Variants in CAMK2D observed in about 807,000 individuals in gnomAD.
The protein encoded by CAMK2D is calcium/calmodulin-dependent protein kinase type II subunit delta.
A neutral mutation model predicts 84.0 loss-of-function variants in CAMK2D; 37 were observed. That is an observed-to-expected ratio of 0.44 (90% confidence interval 0.34 to 0.58). CAMK2D has a LOEUF of 0.58. CAMK2D is among the 20% of genes least tolerant of loss of function. CAMK2D has a pLI of 0.02. For missense variants in CAMK2D, 448 were observed against 652.5 expected, an observed-to-expected ratio of 0.69 and a Z score of 3.41; for synonymous variants, 202 against 212.5, an observed-to-expected ratio of 0.95 and a Z score of 0.43.
intron 4 of CAMK2D, among the ~76,000 whole-genome samples, chr4:113,594,385 C>G (rs545530410): frequency 6.6e-6 from 1 of 152,200 alleles, no homozygotes; most frequent in East Asian, 1.9e-4. Context: ...ACAAGGCATA[C>G]TAAAGGGCAA....
At chr4:113,496,103 G>C (rs759634581) in intron 16 of CAMK2D, among the ~76,000 whole-genome samples, 1 of 152,166 alleles carries the variant, frequency 6.6e-6, no homozygotes, top group Admixed American at 6.5e-5. Context: ...ACCAAAGGAC[G>C]GTCTTCACAT....
chr4:113,457,410 C>T lies in CAMK2D; in HGVS notation c.1460G>A (p.Arg487His), dbSNP rs1331106251. 20 of 1,613,854 alleles carry T rather than the reference C, an allele frequency of 1.2e-5. No individual in the cohort carries two copies. Among genetic ancestry groups the T allele is most frequent in the Non-Finnish European group, 1.7e-5 (20 of 1,179,806 alleles). ...CTTTCCATCCCGGCGGTGCCACACA[C>T]GAGTCTCTTCTGACTGCATTGTCTT... ...MPKTMQSEETRVWHRRDGKWQ... is the reference protein window; with the variant it reads ...MPKTMQSEETHVWHRRDGKWQ... The change falls in exon 19 of 21, where the codon CGT becomes CAT. Residue 487 changes from arginine to histidine, a missense_variant. Transcript: ENST00000511664.
intron 4 of CAMK2D, among the ~76,000 whole-genome samples, chr4:113,560,093 G>A (rs1367965016): frequency 6.6e-6 from 1 of 152,170 alleles, no homozygotes; most frequent in Non-Finnish European, 1.5e-5. Flanking sequence ...GTTGATCCCT[G>A]TGAGTGTGTA....
chr4:113,585,333 A>AT (rs892357544), intron 4 of CAMK2D, among the ~76,000 whole-genome samples: 5 of 152,036 alleles, frequency 3.3e-5, no homozygotes, highest in Admixed American at 6.6e-5. Context: ...CTCTAAAGTG[A>AT]TTTTTTTCCC....
At chr4:113,562,401 T>G (rs1355684397) in intron 4 of CAMK2D, among the ~76,000 whole-genome samples, 2 of 152,238 alleles carry the variant, frequency 1.3e-5, no homozygotes, top group Admixed American at 1.3e-4. Context: ...GAGGTAAGTC[T>G]AGATCATTCA....
At chr4:113,517,043 T>C (rs1488164062) in intron 9 of CAMK2D, among the ~76,000 whole-genome samples, 2 of 151,836 alleles carry the variant, frequency 1.3e-5, no homozygotes, top group African/African-American at 4.8e-5. Flanking sequence ...ATTAGAATTA[T>C]GATTTTCAAA....
Position 113,552,028 on chromosome 4 carries a change from T to C in CAMK2D, c.341+3A>G. On this transcript the variant is annotated splice_donor_region_variant and intron_variant, in intron 5 of 20. Transcript: ENST00000511664. ...TGTATCTTGCCCAGGGCAAGTCACT[T>C]ACCTGGCATCAGCTTCACTGTAGTA... The C allele has an allele frequency of 6.6e-7, 1 of 1,521,322 alleles. No homozygotes were observed. The highest frequency in any genetic ancestry group is 9.1e-7 in the Non-Finnish European group (1 of 1,104,200). The allele number at this position is 1,521,322 out of a possible 1,614,324, so 94.2% of individuals were successfully genotyped here.
chr4:113,519,593 C>T (rs1474804734), intron 8 of CAMK2D, among the ~76,000 whole-genome samples: 3 of 150,788 alleles, frequency 2.0e-5, no homozygotes, highest in African/African-American at 7.4e-5. Flanking sequence ...AAATAAACAC[C>T]GTTTTGTAAG....
At chr4:113,465,847 A>T (rs1241331769) in intron 16 of CAMK2D, among the ~76,000 whole-genome samples, 1 of 151,430 alleles carries the variant, frequency 6.6e-6, no homozygotes, top group Non-Finnish European at 1.5e-5. Flanking sequence ...TTTTAACATG[A>T]CTCTCAGGTG....
chr4:113,597,114 G>A (rs2098930845), intron 4 of CAMK2D, among the ~76,000 whole-genome samples: 1 of 152,104 alleles, frequency 6.6e-6, no homozygotes, highest in South Asian at 2.1e-4. Flanking sequence ...CACCGCGCCT[G>A]GCCGGGTCCT....
At chr4:113,507,219 T>A (rs994324996) in intron 13 of CAMK2D, among the ~76,000 whole-genome samples, 2 of 151,686 alleles carry the variant, frequency 1.3e-5, no homozygotes, top group African/African-American at 2.4e-5. Context: ...TTTCAAAGAG[T>A]CAAATATAAG....
chr4:113,573,790 G>A (rs571746987), intron 4 of CAMK2D, among the ~76,000 whole-genome samples: 2 of 152,082 alleles, frequency 1.3e-5, no homozygotes, highest in African/African-American at 4.8e-5. Flanking sequence ...CTTCATTTCC[G>A]ATCTTAGTTT....
chr4:113,619,398 A>T (rs1213788620), intron 3 of CAMK2D, among the ~76,000 whole-genome samples: 2 of 152,122 alleles, frequency 1.3e-5, no homozygotes, highest in Non-Finnish European at 2.9e-5. Context: ...TATTGTCCTT[A>T]GGTTCAGAAT....
intron 2 of CAMK2D, among the ~76,000 whole-genome samples, chr4:113,756,462 T>G (rs956979338): frequency 7.2e-5 from 11 of 152,122 alleles, no homozygotes; most frequent in Middle Eastern, 3.4e-3. Flanking sequence ...AGCTTCCATA[T>G]GCAACTCTCA....
At chr4:113,457,236 G>C (rs748684875) in intron 19 of CAMK2D, 99 bp downstream of exon 19, 11 of 1,497,286 alleles carry the variant, frequency 7.3e-6, no homozygotes, top group Admixed American at 4.6e-5. Flanking sequence ...CCAACTACTA[G>C]CGTTAAATAA....
chr4:113,572,746 C>T lies in CAMK2D; in HGVS notation c.276-20650G>A, dbSNP rs535364500. Among the ~76,000 whole-genome samples the T allele has an allele frequency of 2.5e-3, 378 of 152,168 alleles. 5 individuals carry two copies. Among genetic ancestry groups the T allele is most frequent in the Middle Eastern group, 6.8e-3 (2 of 294 alleles). ...TGGTGTTTTCTCAAAGAGCTAAAAG[C>T]AGAACTACCATTCGACCCAGCAAAA... On this transcript the variant is annotated intron_variant, in intron 4 of 20. Transcript: ENST00000511664.
chr4:113,708,743 T>C (rs1485673686), intron 2 of CAMK2D, among the ~76,000 whole-genome samples: 2 of 152,198 alleles, frequency 1.3e-5, no homozygotes, highest in African/African-American at 2.4e-5. Context: ...TTGTTGTTTT[T>C]TGAGACAGTC....
chr4:113,613,937 A>G (rs1490211118), intron 3 of CAMK2D, among the ~76,000 whole-genome samples: 3 of 152,058 alleles, frequency 2.0e-5, no homozygotes, highest in African/African-American at 7.2e-5. Context: ...TGGGCAAGGG[A>G]GAAGAGGGAA....
intron 16 of CAMK2D, among the ~76,000 whole-genome samples, chr4:113,483,597 G>A (rs989081675): frequency 1.3e-5 from 2 of 151,858 alleles, no homozygotes; most frequent in Admixed American, 6.6e-5. Context: ...GTAGAGATGG[G>A]TTTTCACCAC....
Sources: allele counts gnomAD v4.1 joint callset (sites outside exome capture counted in the v4.1 genomes callset), GRCh38; gene constraint gnomAD v4.1.1; transcripts MANE v1.5; gene names NCBI Gene and HGNC (gene_info 2026-07-23, HGNC 2026-07-21).